The following PABPC1L variants were observed in gnomAD, a reference collection of about 807,000 sequenced individuals.
PABPC1L encodes poly(A) binding protein cytoplasmic 1 like, also known as polyadenylate-binding protein 1-like.
Under a neutral mutation model 66.6 loss-of-function variants are expected in PABPC1L, and 31 were observed. The ratio of observed to expected loss-of-function variants is 0.47; its 90% CI spans 0.35 to 0.63. PABPC1L has a LOEUF of 0.63. Ranked by LOEUF, PABPC1L falls within the 20% of genes least tolerant of loss-of-function variation. The probability of loss-of-function intolerance (pLI) is 0.00; values close to 1 mark genes in which losing one functional copy is unlikely to be tolerated. For missense variants in PABPC1L, 722 were observed against 848.8 expected, an observed-to-expected ratio of 0.85 and a Z score of 1.86; for synonymous variants, 348 against 335.1, an observed-to-expected ratio of 1.04 and a Z score of -0.42.
chr20:44,935,459 C>T lies in PABPC1L; in HGVS notation c.1528C>T (p.Pro510Ser). ...GCCTPGRPLL[P>S]CKCSSAAHST... ...CTGTACACCAGGCCGGCCGCTCCTG[C>T]CGTGCAAATGTTCCTCAGCAGCACA... is the stretch of plus-strand genomic sequence containing the variant. The change falls in exon 11 of 15, where the codon CCG (proline) becomes TCG (serine). Residue 510 changes from proline (P) to serine (S), a missense_variant. This residue lies in a region of PABPC1L where 301 missense variants were observed against 337.2 expected (regional missense o/e 0.89). Coordinates refer to ENST00000217073, the MANE Select transcript of PABPC1L (RefSeq NM_001372179.1). 1 of 1,614,190 alleles carries T rather than the reference C, an allele frequency of 6.2e-7. No individual in the cohort carries two copies. Among genetic ancestry groups the T allele is most frequent in the Non-Finnish European group, 8.5e-7 (1 of 1,180,026 alleles).
chr20:44,927,688 A>G (rs1427754467), intron 7 of PABPC1L, among the ~76,000 whole-genome samples: 1 of 152,042 alleles, frequency 6.6e-6, no homozygotes, highest in Admixed American at 6.6e-5. Context: ...CCTTCTAAGA[A>G]TATTTTTTAA....
chr20:44,911,243 C>A (rs2066702704), intron 1 of PABPC1L, among the ~76,000 whole-genome samples: 1 of 150,858 alleles, frequency 6.6e-6, no homozygotes, highest in Non-Finnish European at 1.5e-5. Flanking sequence ...GTGGGCAGAT[C>A]ACTTGAGGTC....
chr20:44,928,293 G>A (rs941865165), intron 7 of PABPC1L, among the ~76,000 whole-genome samples: 1 of 152,016 alleles, frequency 6.6e-6, no homozygotes, highest in Admixed American at 6.6e-5. Context: ...GGCTGGTCTC[G>A]AACTCCTGAC....
intron 10 of PABPC1L, among the ~76,000 whole-genome samples, 171 bp from the exon 11 acceptor site, chr20:44,935,220 T>C (rs2066892243): frequency 6.6e-6 from 1 of 152,242 alleles, no homozygotes; most frequent in Non-Finnish European, 1.5e-5. Flanking sequence ...TGTTTTTCTG[T>C]AGTGGCTACA....
chr20:44,926,312 C>T (rs1042483115), intron 7 of PABPC1L, among the ~76,000 whole-genome samples: 35 of 150,918 alleles, frequency 2.3e-4, no homozygotes, highest in Admixed American at 2.2e-3. Context: ...CTACAACCTC[C>T]GCCTCCCGGG....
At chr20:44,932,772 A>G in intron 9 of PABPC1L, 1 of 497,468 alleles carries the variant, frequency 2.0e-6, no homozygotes, top group Admixed American at 3.3e-5. Flanking sequence ...AGTGAATTGC[A>G]CGCTCACTTG....
intron 7 of PABPC1L, among the ~76,000 whole-genome samples, chr20:44,927,591 C>T (rs1013638457): frequency 3.9e-5 from 6 of 152,012 alleles, no homozygotes; most frequent in Non-Finnish European, 8.8e-5. Flanking sequence ...TCAGGTGATC[C>T]ACCTGCCTCA....
intron 8 of PABPC1L, 153 bp from the exon 9 acceptor site, chr20:44,932,189 G>C: frequency 8.2e-6 from 4 of 487,328 alleles, no homozygotes. Context: ...CCTGAGATGG[G>C]AGGAAGGAGC....
intron 1 of PABPC1L, 82 bp downstream of exon 1, chr20:44,910,418 C>A: frequency 7.2e-7 from 1 of 1,382,162 alleles, no homozygotes; most frequent in Non-Finnish European, 9.5e-7. Flanking sequence ...GGGCCGCTTG[C>A]GCTTTCATCT....
At chr20:44,924,295 TC>T (rs2066793886) in intron 7 of PABPC1L, 39 bp downstream of exon 7, 1 of 1,437,796 alleles carries the variant, frequency 7.0e-7, no homozygotes, top group African/African-American at 1.4e-5. Context: ...AGCGTTCCCC[TC>T]CATCCTCTCA....
chr20:44,915,395 A>G (rs2066731399), intron 2 of PABPC1L, among the ~76,000 whole-genome samples: 1 of 152,184 alleles, frequency 6.6e-6, no homozygotes, highest in Admixed American at 6.5e-5. Flanking sequence ...GAGTTCAACA[A>G]GAGGGATGGG....
chr20:44,924,215 A>G lies in PABPC1L; in HGVS notation c.931A>G (p.Arg311Gly). The change falls in exon 7 of 15, where the codon AGG becomes GGG. Residue 311 changes from arginine (R) to glycine (G), a missense_variant. By Grantham distance (125) the Arg-to-Gly change is moderately radical (BLOSUM62 -2). Coordinates refer to ENST00000217073, the MANE Select transcript of PABPC1L (RefSeq NM_001372179.1). ...CGACTCCATTGATGACGACAAACTG[A>G]GGAAAGAGTTCTCTCCCTATGGAGT... The part of the protein sequence containing the change: ...LDDSIDDDKL[R>G]KEFSPYGVIT... The G allele has an allele frequency of 6.2e-7, 1 of 1,614,038 alleles. No individual in the cohort carries two copies. Among genetic ancestry groups the G allele is most frequent in the Non-Finnish European group, 8.5e-7 (1 of 1,179,914 alleles).
At chr20:44,917,939 C>T (rs145042270) in intron 3 of PABPC1L, among the ~76,000 whole-genome samples, 6 of 152,170 alleles carry the variant, frequency 3.9e-5, no homozygotes, top group Middle Eastern at 3.2e-3. Flanking sequence ...TTGTGCTAAA[C>T]GTGCTATAGA....
At chr20:44,913,285 C>G (rs989169356) in intron 2 of PABPC1L, among the ~76,000 whole-genome samples, 5 of 152,138 alleles carry the variant, frequency 3.3e-5, no homozygotes, top group Non-Finnish European at 7.3e-5. Context: ...CTTTTGTCCT[C>G]CAGTAGGCTA....
In PABPC1L at chr20:44,939,260, G is replaced by C. The variant is rs1440140379; in HGVS notation, c.*141G>C. The C allele has an allele frequency of 4.2e-6, 3 of 716,556 alleles. No individual in the cohort carries two copies. Among genetic ancestry groups the C allele is most frequent in the Non-Finnish European group, 7.8e-6 (3 of 384,672 alleles). The allele number at this position is 716,556 out of a possible 1,614,324, so 44.4% of individuals were successfully genotyped here. ...GGGCTCTGTATGTGAATGAAGGTTG[G>C]TCACCCATCCAGCCTATTACCTTTT... On this transcript the variant is annotated 3_prime_UTR_variant, in exon 15 of 15. Transcript: ENST00000217073.
intron 14 of PABPC1L, 79 bp from the exon 15 acceptor site, chr20:44,939,047 G>A: frequency 1.4e-6 from 1 of 715,276 alleles, no homozygotes; most frequent in South Asian, 1.5e-5. Context: ...GGCCTGGCCA[G>A]GATGTAACCA....
intron 7 of PABPC1L, among the ~76,000 whole-genome samples, chr20:44,927,200 T>G (rs1352513239): frequency 1.3e-5 from 2 of 152,048 alleles, no homozygotes; most frequent in Non-Finnish European, 1.5e-5. Flanking sequence ...TTTTGTTTTA[T>G]ATAAAAATAA....
intron 11 of PABPC1L, among the ~76,000 whole-genome samples, chr20:44,935,706 G>A (rs1184703636): frequency 1.3e-5 from 2 of 152,116 alleles, no homozygotes; most frequent in Non-Finnish European, 2.9e-5. Flanking sequence ...GTTTTGCTTC[G>A]GTTATTACCA....
In PABPC1L at chr20:44,918,999, G is replaced by C. The variant is rs370029272; in HGVS notation, c.597G>C (p.Pro199=). 3.7e-6 allele frequency: 6 copies of C among 1,613,636 alleles called. No homozygotes were observed. The Admixed American group carries it at 8.3e-5, about 22-fold the overall frequency. ...EFTNIYVKNL[P]VDVDEQGLQD... is the part of the protein sequence containing the mutation. ...CCAACATCTACGTGAAGAACCTCCC[G>C]GTGGATGTGGACGAGCAAGGCCTGC... Residue 199 remains proline, a synonymous_variant, in exon 4 of 15, where the codon CCG becomes CCC. Coordinates refer to ENST00000217073, the MANE Select transcript of PABPC1L (RefSeq NM_001372179.1).
Sources: gnomAD v4.1 joint callset for allele counts (sites outside exome capture counted in the v4.1 genomes callset) on GRCh38, gnomAD v4.1.1 for gene constraint, gnomAD v4.1.1 regional missense constraint, MANE v1.5 for transcripts, NCBI Gene and HGNC (gene_info 2026-07-23, HGNC 2026-07-21) for gene names.